Variants in COX7A2 observed in about 807,000 individuals in gnomAD.
COX7A2 encodes the protein cytochrome c oxidase subunit 7A2.
A neutral mutation model predicts 11.6 loss-of-function variants in COX7A2; 11 were observed. The observed-to-expected ratio is 0.95, with a 90% CI of 0.60 to 1.57. The LOEUF is 1.57. Among genes scored for constraint, COX7A2 ranks in the 40% most tolerant of loss-of-function variants. The probability of loss-of-function intolerance (pLI) is 0.00; values close to 1 mark genes in which losing one functional copy is unlikely to be tolerated. For missense variants in COX7A2, 106 were observed against 100.9 expected (o/e 1.05, Z -0.22); for synonymous variants, 30 against 38.2 (o/e 0.78, Z 0.79).
In COX7A2 at chr6:75,240,390, A is replaced by AC; in HGVS notation, c.109-6_109-5insG. The AC allele has an allele frequency of 1.6e-6, 2 of 1,283,556 alleles. No homozygotes were observed. Among genetic ancestry groups the AC allele is most frequent in the Non-Finnish European group, 2.1e-6 (2 of 965,398 alleles). 79.5% of individuals were successfully genotyped at this position (1,283,556 alleles called of 1,614,324 possible). A position where few individuals can be genotyped will look rare whatever the true frequency, so the allele number is the denominator to read the frequency against. On this transcript the variant is annotated splice_polypyrimidine_tract_variant and splice_region_variant and intron_variant, in intron 2 of 3. Coordinates refer to ENST00000684430, the MANE Select transcript of COX7A2 (RefSeq NM_001366293.2). ...CAGTGGAATTTCATCATCCTCCTAG[A>AC]TTTAAAAAAAAAAAAAAAAGACAAT...
chr6:75,243,912 A>ACGGCTCTAT, upstream of COX7A2: 1 of 1,276,526 alleles, frequency 7.8e-7, no homozygotes, highest in Middle Eastern at 1.8e-4. Context: ...GAGCGGCAGT[A>ACGGCTCTAT]CGGCTCTATC....
At chr6:75,243,911 T>A, upstream of COX7A2, 2 of 1,279,674 alleles carry the variant, frequency 1.6e-6, no homozygotes, top group Admixed American at 2.0e-5. Flanking sequence ...AGAGCGGCAG[T>A]ACGGCTCTAT....
chr6:75,243,139 A>C (rs899336223), intron 1 of COX7A2, among the ~76,000 whole-genome samples: 2 of 152,186 alleles, frequency 1.3e-5, no homozygotes, highest in Non-Finnish European at 2.9e-5. Context: ...TTTCTTTATC[A>C]AAATTTGGGG....
upstream of COX7A2, chr6:75,243,949 C>T: frequency 1.2e-6 from 1 of 845,092 alleles, no homozygotes; most frequent in Non-Finnish European, 1.8e-6. Context: ...CCGTCTCAGT[C>T]CCGTGATCTC....
In COX7A2 at chr6:75,243,688, T is replaced by A. The variant is rs775209532; in HGVS notation, c.18+29A>T. On this transcript the variant is annotated intron_variant, in intron 1 of 3. Transcript: ENST00000684430. ...CCTCCTCTCCACTCCCTCGCCCCCA[T>A]CATGAATGCAAGATGAGAAGCTCCT... 6 of 1,605,322 alleles carry A rather than the reference T, an allele frequency of 3.7e-6. No homozygotes were observed. The African/African-American group carries it at 6.7e-5, about 18-fold the overall frequency.
upstream of COX7A2, among the ~76,000 whole-genome samples, chr6:75,248,081 CTTTTTTTTTTTTT>C (rs905344722): frequency 3.7e-4 from 4 of 10,684 alleles, 2 homozygotes; most frequent in Non-Finnish European, 7.9e-4. Flanking sequence ...CATCCTTTAT[CTTTTTTTTTTTTT>C]TTTTTTTTTT....
chr6:75,244,358 A>C (rs1296554036), upstream of COX7A2, among the ~76,000 whole-genome samples: 4 of 152,186 alleles, frequency 2.6e-5, no homozygotes, highest in Admixed American at 2.6e-4. Context: ...GAACTCCCCA[A>C]GCAAGAAGTT....
chr6:75,240,319 T>C lies in COX7A2; in HGVS notation c.175A>G (p.Met59Val), dbSNP rs764374816. ...GCCTTACCACCAACTGTAAGAATCA[T>C]GGTGGCTCTATACAGGAGGGCATCA... is the stretch of plus-strand genomic sequence containing the variant. ...VADALLYRATMILTVGGTAYA... is the reference protein window; with the variant it reads ...VADALLYRATVILTVGGTAYA... The change falls in exon 3 of 4, where the codon ATG (methionine) becomes GTG (valine). Residue 59 changes from methionine to valine, a missense_variant. Coordinates refer to ENST00000684430, the MANE Select transcript of COX7A2 (RefSeq NM_001366293.2). The C allele has an allele frequency of 1.2e-6, 2 of 1,610,600 alleles. No individual in the cohort carries two copies. The highest frequency in any genetic ancestry group is 2.2e-5 in the South Asian group (2 of 90,792).
chr6:75,241,486 C>T (rs1284588283), intron 1 of COX7A2, among the ~76,000 whole-genome samples: 1 of 152,178 alleles, frequency 6.6e-6, no homozygotes, highest in African/African-American at 2.4e-5. Flanking sequence ...ATTCAAGAAG[C>T]AATTCATATA....
rs1771366398 is a variant in COX7A2, at chr6:75,237,968, C to T, written c.214G>A (p.Glu72Lys). The change falls in exon 4 of 4, where the codon GAG (glutamate) becomes AAG (lysine). Residue 72 changes from glutamate to lysine, a missense_variant. Coordinates refer to ENST00000684430, the MANE Select transcript of COX7A2 (RefSeq NM_001366293.2). ...TVGGTAYAIY[E>K]LAVASFPKKQ... ...TTGGGAAATGAAGCCACAGCCAGCT[C>T]ATATATGGCATATGCTGTTCCTAAA... 1 of 1,602,504 alleles carries T rather than the reference C, an allele frequency of 6.2e-7. No individual in the cohort carries two copies. Among genetic ancestry groups the T allele is most frequent in the Middle Eastern group, 1.7e-4 (1 of 6,038 alleles).
upstream of COX7A2, chr6:75,243,941 G>T (rs927477736): frequency 1.1e-6 from 1 of 919,610 alleles, no homozygotes; most frequent in Non-Finnish European, 1.7e-6. Flanking sequence ...CCGGCTCGCC[G>T]TCTCAGTCCC....
At chr6:75,242,685 T>C (rs1164105564) in intron 1 of COX7A2, among the ~76,000 whole-genome samples, 1 of 151,738 alleles carries the variant, frequency 6.6e-6, no homozygotes, top group Non-Finnish European at 1.5e-5. Context: ...TAGGGCTTGG[T>C]GGCGAGCGCC....
intron 1 of COX7A2, among the ~76,000 whole-genome samples, chr6:75,249,036 T>A (rs1015768222): frequency 6.6e-6 from 1 of 152,096 alleles, no homozygotes; most frequent in Non-Finnish European, 1.5e-5. Context: ...GGCGGGCAGA[T>A]CACGAGGTCA....
chr6:75,240,349 C>T lies in COX7A2; in HGVS notation c.145G>A (p.Val49Ile). 2 of 1,609,258 alleles carry T rather than the reference C, an allele frequency of 1.2e-6. No homozygotes were observed. The highest frequency in any genetic ancestry group is 1.7e-6 in the Non-Finnish European group (2 of 1,178,438). Reference protein sequence around the residue: ...DEIPLYLKGGVADALLYRATM... With the variant: ...DEIPLYLKGGIADALLYRATM... ...GCTCTATACAGGAGGGCATCAGCTA[C>T]CCCACCCTTTAGATACAGTGGAATT... is the stretch of plus-strand genomic sequence containing the variant. The change falls in exon 3 of 4, where the codon GTA becomes ATA. Residue 49 changes from valine (V) to isoleucine (I), a missense_variant. Transcript: ENST00000684430.
rs1771455876 is a variant in COX7A2 at position 75,240,325 on chromosome 6, C to G, written c.169G>C (p.Ala57Pro). The G allele has an allele frequency of 6.2e-7, 1 of 1,610,170 alleles. No individual in the cohort carries two copies. Among genetic ancestry groups the G allele is most frequent in the Admixed American group, 1.7e-5 (1 of 59,420 alleles). ...GGVADALLYRATMILTVGGTA... is the reference protein window; with the variant it reads ...GGVADALLYRPTMILTVGGTA... ...CCACCAACTGTAAGAATCATGGTGG[C>G]TCTATACAGGAGGGCATCAGCTACC... Residue 57 changes from alanine (A) to proline (P), a missense_variant, in exon 3 of 4, where the codon GCC becomes CCC. Transcript: ENST00000684430.
intron 2 of COX7A2, 65 bp downstream of exon 2, chr6:75,241,111 C>T: frequency 1.9e-6 from 3 of 1,547,796 alleles, no homozygotes; most frequent in Non-Finnish European, 1.8e-6. Flanking sequence ...ACTTGTTTAT[C>T]CCAACTCTTA....
chr6:75,238,628 T>C, intron 3 of COX7A2, among the ~76,000 whole-genome samples: 1 of 134,968 alleles, frequency 7.4e-6, no homozygotes, highest in South Asian at 2.4e-4. Flanking sequence ...TGCTTGAACC[T>C]GGGAGGCAGA....
intron 1 of COX7A2, 106 bp from the exon 2 acceptor site, chr6:75,241,371 A>G (rs1171224951): frequency 9.8e-7 from 1 of 1,016,600 alleles, no homozygotes; most frequent in African/African-American, 1.6e-5. Flanking sequence ...GACTTGAAGC[A>G]TATCTGATTT....
In COX7A2 at chr6:75,240,282, A is replaced by G. The variant is rs777325624; in HGVS notation, c.193+19T>C. On this transcript the variant is annotated intron_variant, in intron 3 of 3. Coordinates refer to ENST00000684430, the MANE Select transcript of COX7A2 (RefSeq NM_001366293.2). ...ACTATTACTTTTCTATAAACCTTCA[A>G]ACATTCCAAAGGCCTTACCACCAAC... is the stretch of plus-strand genomic sequence containing the variant. The G allele has an allele frequency of 7.0e-6, 11 of 1,576,106 alleles. No individual in the cohort carries two copies. The highest frequency in any genetic ancestry group is 9.6e-6 in the Non-Finnish European group (11 of 1,149,774).
Sources: allele counts gnomAD v4.1 joint callset (sites outside exome capture counted in the v4.1 genomes callset), GRCh38; gene constraint gnomAD v4.1.1; transcripts MANE v1.5; gene names NCBI Gene and HGNC (gene_info 2026-07-23, HGNC 2026-07-21).